Variants in SLC22A25 observed in about 807,000 individuals in gnomAD.
The protein encoded by SLC22A25 is MGI:2442751, MGI:2385316, MGI:3042283, MGI:3645714, MGI:3605624, MGI:2442750.
A neutral mutation model predicts 45.9 loss-of-function variants in SLC22A25; 44 were observed. That is an observed-to-expected ratio of 0.96 (90% confidence interval 0.75 to 1.23). The LOEUF is 1.23. Among genes scored for constraint, SLC22A25 ranks in the 50% most tolerant of loss-of-function variants. SLC22A25 has a pLI of 0.00. For missense variants in SLC22A25, 800 were observed against 666.4 expected, an observed-to-expected ratio of 1.20 and a Z score of -2.21; for synonymous variants, 283 against 238.6, an observed-to-expected ratio of 1.19 and a Z score of -1.72.
chr11:63,201,937 G>C (rs2089257115), intron 7 of SLC22A25, among the ~76,000 whole-genome samples: 1 of 152,136 alleles, frequency 6.6e-6, no homozygotes, highest in Non-Finnish European at 1.5e-5. Flanking sequence ...ATTTCCAACT[G>C]AGGTACCTGG....
At chr11:63,220,088 C>G in intron 5 of SLC22A25, 2 of 1,054,510 alleles carry the variant, frequency 1.9e-6, no homozygotes, top group South Asian at 2.6e-5. Context: ...CAGACTGTGA[C>G]AATATTGTCC....
At chr11:63,232,158 A>T (rs2090080752) in intron 3 of SLC22A25, among the ~76,000 whole-genome samples, 3 of 152,100 alleles carry the variant, frequency 2.0e-5, no homozygotes, top group African/African-American at 7.2e-5. Flanking sequence ...AGTTTTTTCC[A>T]ATTGTGTGAA....
At position 63,166,871 on chromosome 11, in the gene SLC22A25, G is replaced by A. The variant is rs1447510688; in HGVS notation, c.1071-613C>T. 2.9e-5 allele frequency: 29 copies of A among 985,120 alleles called. No homozygotes were observed. In the East Asian group the frequency reaches 3.4e-4, roughly 12 times the overall value. The allele number at this position is 985,120 out of a possible 1,614,324, so 61.0% of individuals were successfully genotyped here. On this transcript the variant is annotated intron_variant, in intron 9 of 11. Transcript: ENST00000306494. ...TTATTTTTTGGAATAAGAGGTAGTC[G>A]ATAGAGACAGCTGGCAAGATGGCCG...
At chr11:63,205,677 A>G (rs2089381737) in intron 7 of SLC22A25, among the ~76,000 whole-genome samples, 1 of 152,126 alleles carries the variant, frequency 6.6e-6, no homozygotes, top group South Asian at 2.1e-4. Context: ...CTACCAACCA[A>G]CCAAAGGCCA....
In SLC22A25 at chr11:63,183,797, C is replaced by T. The variant is rs370940074; in HGVS notation, c.851G>A (p.Arg284Gln). 48 of 1,612,852 alleles carry T rather than the reference C, an allele frequency of 3.0e-5. No individual in the cohort carries two copies. Among genetic ancestry groups the T allele is most frequent in the East Asian group, 4.5e-5 (2 of 44,856 alleles). The change falls in exon 8 of 12, where the codon CGG becomes CAG. Residue 284 changes from arginine (R) to glutamine (Q), a missense_variant. Arg to Gln is a conservative substitution (Grantham distance 43). Coordinates refer to ENST00000306494, the MANE Select transcript of SLC22A25 (RefSeq NM_199352.6). Reference sequence around the variant, plus strand: ...TGGTTTGTTGTTGATAATGAGCCACCGAGCAGACTCTGCCAGCCACCTGAG... The same window carrying T: ...TGGTTTGTTGTTGATAATGAGCCACTGAGCAGACTCTGCCAGCCACCTGAG... The part of the protein sequence containing the change: ...LFSRWLAESA[R>Q]WLIINNKPEE...
intron 7 of SLC22A25, among the ~76,000 whole-genome samples, chr11:63,212,653 A>G (rs570775235): frequency 1.0e-5 from 1 of 99,434 alleles, no homozygotes; most frequent in African/African-American, 4.0e-5. Flanking sequence ...AACATCACAC[A>G]CTGTGGTCTG....
chr11:63,164,165 T>C (rs1590765003), intron 11 of SLC22A25, 92 bp from the exon 12 acceptor site: 1 of 1,459,046 alleles, frequency 6.9e-7, no homozygotes, highest in East Asian at 2.3e-5. Context: ...GGATGAGCAC[T>C]TAAACACATG....
chr11:63,222,816 TG>T (rs200715248), intron 5 of SLC22A25, among the ~76,000 whole-genome samples: 1,735 of 126,846 alleles, frequency 0.014, 34 homozygotes, highest in African/African-American at 0.044. Context: ...AGTTTTTTTT[TG>T]AGAGTTTTTT....
rs567380086 is a variant in SLC22A25, at chr11:63,189,525, G to C, written c.831-5708C>G. 1.2e-4 allele frequency among the ~76,000 whole-genome samples: 18 copies of C among 152,226 alleles called. No individual in the cohort carries two copies. In the East Asian group the frequency reaches 1.9e-3, roughly 16 times the overall value. On this transcript the variant is annotated intron_variant, in intron 7 of 11. Transcript: ENST00000306494. ...TTTGCCAGTCTGTGTCTTTTAATTG[G>C]AGCATTTAGCCTATTTACATTTGAG...
At chr11:63,167,909 A>G in intron 9 of SLC22A25, 1 of 386,866 alleles carries the variant, frequency 2.6e-6, no homozygotes, top group Admixed American at 3.0e-5. Context: ...CACTTCATAC[A>G]GGAGAGCTCT....
intron 7 of SLC22A25, among the ~76,000 whole-genome samples, chr11:63,215,344 A>G (rs566507653): frequency 6.6e-6 from 1 of 152,304 alleles, no homozygotes; most frequent in Admixed American, 6.5e-5. Flanking sequence ...AGAAAACCAA[A>G]CACCACATAT....
intron 1 of SLC22A25, among the ~76,000 whole-genome samples, chr11:63,240,254 C>T (rs551842976): frequency 1.3e-4 from 20 of 152,156 alleles, no homozygotes; most frequent in Admixed American, 7.9e-4. Flanking sequence ...TCTTGCAGTA[C>T]TGGAAGTTGC....
At chr11:63,227,047 C>A (rs1293197845) in intron 5 of SLC22A25, among the ~76,000 whole-genome samples, 1 of 152,136 alleles carries the variant, frequency 6.6e-6, no homozygotes, top group African/African-American at 2.4e-5. Context: ...AGTGGGCTCC[C>A]ATCTGGCCCA....
chr11:63,211,269 T>C (rs574936708), intron 7 of SLC22A25, among the ~76,000 whole-genome samples: 1 of 152,184 alleles, frequency 6.6e-6, no homozygotes, highest in South Asian at 2.1e-4. Context: ...GAACATGGGA[T>C]TATAGTGAAA....
chr11:63,203,579 G>A (rs1038652904), intron 7 of SLC22A25, among the ~76,000 whole-genome samples: 1 of 151,884 alleles, frequency 6.6e-6, no homozygotes, highest in Non-Finnish European at 1.5e-5. Context: ...TCAACTTAAT[G>A]AAATAAGGTG....
rs2088544697 is a variant in SLC22A25 at position 63,186,362 on chromosome 11, A to G, written c.831-2545T>C. 2.0e-5 allele frequency among the ~76,000 whole-genome samples: 3 copies of G among 151,388 alleles called. 1 individual carries two copies. Among genetic ancestry groups the G allele is most frequent in the South Asian group, 4.2e-4 (2 of 4,750 alleles). The stretch of plus-strand genomic sequence containing the variant: ...GTCTTCTTTTGAGAAGTGTCTGTTC[A>G]TATCCTTTGCCCACTTTTTGTTGGG... On this transcript the variant is annotated intron_variant, in intron 7 of 11. Transcript: ENST00000306494.
In SLC22A25 at chr11:63,164,090, C is replaced by G; in HGVS notation, c.1395-17G>C. 3 of 1,552,636 alleles carry G rather than the reference C, an allele frequency of 1.9e-6. No homozygotes were observed. The highest frequency in any genetic ancestry group is 2.6e-6 in the Non-Finnish European group (3 of 1,152,870). On this transcript the variant is annotated splice_polypyrimidine_tract_variant and intron_variant, in intron 11 of 11. Transcript: ENST00000306494. Reference sequence around the variant, plus strand: ...GCTCTTCCCCTTGGAGTAAAAACAGCAACAGAGGAAAAGTTGTTAAAAATC... The same window carrying G: ...GCTCTTCCCCTTGGAGTAAAAACAGGAACAGAGGAAAAGTTGTTAAAAATC...
intron 1 of SLC22A25, among the ~76,000 whole-genome samples, chr11:63,239,841 A>T (rs2134864837): frequency 6.6e-6 from 1 of 152,316 alleles, no homozygotes; most frequent in Middle Eastern, 3.4e-3. Context: ...CGTTCCAGGG[A>T]TACAATAAGT....
intron 7 of SLC22A25, among the ~76,000 whole-genome samples, chr11:63,194,509 A>G (rs192740219): frequency 1.3e-3 from 196 of 152,244 alleles, no homozygotes; most frequent in African/African-American, 4.5e-3. Context: ...CACACAAGCA[A>G]ATGCTGAGAG....
Sources: allele counts gnomAD v4.1 joint callset (sites outside exome capture counted in the v4.1 genomes callset), GRCh38; gene constraint gnomAD v4.1.1; transcripts MANE v1.5; gene names NCBI Gene and HGNC (gene_info 2026-07-23, HGNC 2026-07-21).